The following GCNT2 variants were observed in gnomAD, a reference collection of about 807,000 sequenced individuals.
GCNT2 encodes glucosaminyl (N-acetyl) transferase 2 (I blood group), also known as N-acetyllactosaminide beta-1,6-N-acetylglucosaminyl-transferase.
GCNT2 carries 34 observed loss-of-function variants against 34.2 expected under a neutral mutation model. The observed-to-expected ratio is 1.00, with a 90% CI of 0.76 to 1.32. The LOEUF (loss-of-function observed/expected upper bound fraction) is 1.32, where lower values mean the gene tolerates loss of function less well. Ranked by LOEUF, GCNT2 falls within the 40% of genes most tolerant of loss-of-function variation. The pLI, the probability that GCNT2 is intolerant of heterozygous loss-of-function variation, is 0.00. For missense variants in GCNT2, 584 were observed against 489.4 expected (o/e 1.19, Z -1.82); for synonymous variants, 212 against 188.0 (o/e 1.13, Z -1.04).
At chr6:10,549,416 T>G (rs1762392958) in intron 3 of GCNT2, among the ~76,000 whole-genome samples, 1 of 152,120 alleles carries the variant, frequency 6.6e-6, no homozygotes, top group Admixed American at 6.5e-5. Flanking sequence ...ATGCTCAACT[T>G]TAGTAGACAT....
chr6:10,567,136 TAGTG>T (rs1014815948), intron 3 of GCNT2, among the ~76,000 whole-genome samples: 2 of 151,868 alleles, frequency 1.3e-5, no homozygotes, highest in African/African-American at 4.8e-5. Flanking sequence ...CTGGGCAACA[TAGTG>T]AGACCACATC....
intron 3 of GCNT2, among the ~76,000 whole-genome samples, chr6:10,559,307 G>A (rs997225722): frequency 6.6e-6 from 1 of 152,134 alleles, no homozygotes. Context: ...AGGAGAGAAC[G>A]ACATCTACAT....
intron 4 of GCNT2, among the ~76,000 whole-genome samples, chr6:10,623,145 C>T (rs1237315849): frequency 1.3e-5 from 2 of 152,140 alleles, no homozygotes; most frequent in Non-Finnish European, 2.9e-5. Context: ...ACCTCTTTCT[C>T]ATGTGTCTCT....
intron 3 of GCNT2, among the ~76,000 whole-genome samples, chr6:10,616,739 G>A (rs1293065870): frequency 6.6e-6 from 1 of 152,076 alleles, no homozygotes; most frequent in African/African-American, 2.4e-5. Flanking sequence ...CAAACCTTGA[G>A]GTAGATACAG....
At position 10,529,018 on chromosome 6, in the gene GCNT2, G is replaced by A; in HGVS notation, c.107G>A (p.Arg36Lys). 6.2e-7 allele frequency: 1 copy of A among 1,614,026 alleles called. No homozygotes were observed. Among genetic ancestry groups the A allele is most frequent in the Non-Finnish European group, 8.5e-7 (1 of 1,179,938 alleles). ...TELWENKRFL[R>K]AALSNASLLA... ...TTATGGGAGAATAAACGTTTTCTGAGGGCAGCTCTGTCCAATGCTTCACTG... is the reference window on the plus strand; with the variant it reads ...TTATGGGAGAATAAACGTTTTCTGAAGGCAGCTCTGTCCAATGCTTCACTG... Residue 36 changes from arginine (R) to lysine (K), a missense_variant, in exon 3 of 5, where the codon AGG becomes AAG. Physicochemically the swap from Arg to Lys is conservative, Grantham distance 26. Coordinates refer to ENST00000495262, the MANE Select transcript of GCNT2 (RefSeq NM_145649.5).
At chr6:10,621,523 T>G in intron 4 of GCNT2, 80 bp downstream of exon 4, 1 of 877,288 alleles carries the variant, frequency 1.1e-6, no homozygotes. Flanking sequence ...AGGGTTCTCA[T>G]GGAGAGAGAA....
At chr6:10,617,606 G>T (rs960920359) in intron 3 of GCNT2, among the ~76,000 whole-genome samples, 2 of 152,176 alleles carry the variant, frequency 1.3e-5, no homozygotes, top group Non-Finnish European at 2.9e-5. Context: ...CTGGGAATGC[G>T]GTCCAGTAGG....
chr6:10,534,096 T>A (rs2113539365), intron 3 of GCNT2, among the ~76,000 whole-genome samples: 1 of 150,982 alleles, frequency 6.6e-6, no homozygotes, highest in East Asian at 2.0e-4. Context: ...CTGTGGGTTC[T>A]ACTTCCTATG....
At chr6:10,582,235 A>ATATATACT (rs1764114462) in intron 3 of GCNT2, among the ~76,000 whole-genome samples, 3 of 122,918 alleles carry the variant, frequency 2.4e-5, no homozygotes, top group African/African-American at 9.6e-5. Context: ...TATATATTTA[A>ATATATACT]ATATATAAAA....
At chr6:10,620,059 G>A (rs1315322107) in intron 3 of GCNT2, among the ~76,000 whole-genome samples, 1 of 152,150 alleles carries the variant, frequency 6.6e-6, no homozygotes, top group African/African-American at 2.4e-5. Context: ...CTATTTTAAG[G>A]TCAGCTGATC....
chr6:10,591,576 G>A (rs1370311408), intron 3 of GCNT2, among the ~76,000 whole-genome samples: 1 of 152,212 alleles, frequency 6.6e-6, no homozygotes, highest in Non-Finnish European at 1.5e-5. Flanking sequence ...CCAAGAGAAA[G>A]TCACAGCAGG....
chr6:10,624,497 T>G (rs1196217472), intron 4 of GCNT2, among the ~76,000 whole-genome samples: 9 of 151,994 alleles, frequency 5.9e-5, no homozygotes, highest in Non-Finnish European at 1.2e-4. Context: ...TTCAACTATC[T>G]CCCACTGCAT....
intron 3 of GCNT2, among the ~76,000 whole-genome samples, chr6:10,604,356 A>T (rs1174903713): frequency 6.6e-6 from 1 of 152,226 alleles, no homozygotes; most frequent in African/African-American, 2.4e-5. Flanking sequence ...AAGAGAAAAT[A>T]AGTAAAGACT....
chr6:10,586,571 C>T, intron 3 of GCNT2: 1 of 1,614,176 alleles, frequency 6.2e-7, no homozygotes, highest in Non-Finnish European at 8.5e-7. Flanking sequence ...GTGGACAAGA[C>T]TTCCCCCTGA....
chr6:10,536,997 CTGG>C (rs1761794061), intron 3 of GCNT2, among the ~76,000 whole-genome samples: 1 of 152,108 alleles, frequency 6.6e-6, no homozygotes, highest in East Asian at 1.9e-4. Context: ...AACTCCTGAC[CTGG>C]TGGTCTGCCC....
intron 3 of GCNT2, among the ~76,000 whole-genome samples, chr6:10,582,280 A>ATATAT (rs534564812): frequency 0.065 from 7,368 of 113,052 alleles, 888 homozygotes; most frequent in African/African-American, 0.24. Context: ...AAATATATAA[A>ATATAT]TATATATAAT....
chr6:10,536,510 G>A (rs1383620798), intron 3 of GCNT2, among the ~76,000 whole-genome samples: 3 of 150,026 alleles, frequency 2.0e-5, no homozygotes, highest in African/African-American at 7.4e-5. Flanking sequence ...GCCCACCACT[G>A]TGCCCGGCTA....
Position 10,605,675 on chromosome 6 carries a change from G to A in GCNT2, c.926-15676G>A, listed in dbSNP as rs573763709. 8.8e-4 allele frequency among the ~76,000 whole-genome samples: 134 copies of A among 152,210 alleles called. 3 individuals are homozygous for A. The South Asian group carries it at 0.024, about 27-fold the overall frequency. On this transcript the variant is annotated intron_variant, in intron 3 of 4. Coordinates refer to ENST00000495262, the MANE Select transcript of GCNT2 (RefSeq NM_145649.5). Reference sequence around the variant, plus strand: ...AACGCTGGTACACATGAAAGCTAGCGTCAGGGATAAAAACCGAAGAATGGA... The same window carrying A: ...AACGCTGGTACACATGAAAGCTAGCATCAGGGATAAAAACCGAAGAATGGA...
At chr6:10,614,486 G>A (rs73434962) in intron 3 of GCNT2, among the ~76,000 whole-genome samples, 50 of 152,030 alleles carry the variant, frequency 3.3e-4, no homozygotes, top group Non-Finnish European at 6.0e-4. Flanking sequence ...TTAGCTGGAC[G>A]TTAGTGGCAC....
Sources: allele counts gnomAD v4.1 joint callset (sites outside exome capture counted in the v4.1 genomes callset), GRCh38; gene constraint gnomAD v4.1.1; transcripts MANE v1.5; gene names NCBI Gene and HGNC (gene_info 2026-07-23, HGNC 2026-07-21).